PARD3B: variants seen among roughly 807,000 people sequenced by gnomAD.
PARD3B encodes the protein par-3 family cell polarity regulator beta.
A neutral mutation model predicts 130.2 loss-of-function variants in PARD3B; 103 were observed. The ratio of observed to expected loss-of-function variants is 0.79; its 90% CI spans 0.67 to 0.93. The LOEUF (loss-of-function observed/expected upper bound fraction) is 0.93, where lower values mean the gene tolerates loss of function less well. PARD3B is among the 40% of genes least tolerant of loss of function. PARD3B has a pLI of 0.00. For missense variants in PARD3B, 1,609 were observed against 1,499.2 expected, an observed-to-expected ratio of 1.07 and a Z score of -1.21; for synonymous variants, 583 against 553.2, an observed-to-expected ratio of 1.05 and a Z score of -0.76.
chr2:205,510,168 A>G (rs2050535516), intron 21 of PARD3B, among the ~76,000 whole-genome samples: 1 of 152,204 alleles, frequency 6.6e-6, no homozygotes, highest in African/African-American at 2.4e-5. Flanking sequence ...TTTAAAAGTG[A>G]GAGAATAGTA....
At chr2:205,197,032 GGT>G (rs1220147246) in intron 15 of PARD3B, among the ~76,000 whole-genome samples, 147 of 55,224 alleles carry the variant, frequency 2.7e-3, no homozygotes, top group South Asian at 8.9e-3. Flanking sequence ...GTGGGGGGGG[GGT>G]GTGTGTGTGT....
chr2:204,722,978 G>C (rs1397308301), intron 2 of PARD3B, among the ~76,000 whole-genome samples: 1 of 152,148 alleles, frequency 6.6e-6, no homozygotes, highest in Non-Finnish European at 1.5e-5. Flanking sequence ...GGCAATTGGG[G>C]AGTAATTTTT....
chr2:204,908,301 A>G (rs1322020024), intron 2 of PARD3B, among the ~76,000 whole-genome samples: 1 of 152,248 alleles, frequency 6.6e-6, no homozygotes, highest in Non-Finnish European at 1.5e-5. Context: ...ATACTTAAAT[A>G]TAATTATCAC....
At chr2:204,607,509 A>G (rs895171214) in intron 1 of PARD3B, among the ~76,000 whole-genome samples, 2 of 152,196 alleles carry the variant, frequency 1.3e-5, no homozygotes, top group African/African-American at 4.8e-5. Context: ...TGCCAACATT[A>G]CATGGTTTGA....
At chr2:204,803,759 A>G (rs72934216) in intron 2 of PARD3B, among the ~76,000 whole-genome samples, 3 of 152,296 alleles carry the variant, frequency 2.0e-5, no homozygotes, top group Non-Finnish European at 2.9e-5. Flanking sequence ...AGAAAACCAC[A>G]TTCACTAAAA....
intron 2 of PARD3B, among the ~76,000 whole-genome samples, chr2:204,899,872 A>T (rs2046793768): frequency 6.6e-6 from 1 of 151,758 alleles, no homozygotes; most frequent in South Asian, 2.1e-4. Flanking sequence ...TTTGCTGGAT[A>T]TACTATCCTT....
At chr2:205,206,915 T>C (rs2125838724) in intron 15 of PARD3B, among the ~76,000 whole-genome samples, 1 of 148,758 alleles carries the variant, frequency 6.7e-6, no homozygotes, top group South Asian at 2.1e-4. Context: ...AGAATATACA[T>C]TTTTTTCGGC....
At chr2:204,739,254 G>C (rs1356361878) in intron 2 of PARD3B, among the ~76,000 whole-genome samples, 1 of 152,090 alleles carries the variant, frequency 6.6e-6, no homozygotes, top group Non-Finnish European at 1.5e-5. Context: ...TGTTTTGGTT[G>C]ATTGTGCCCC....
intron 2 of PARD3B, among the ~76,000 whole-genome samples, chr2:204,765,189 C>G (rs10170752): frequency 0.35 from 53,760 of 151,966 alleles, 11,627 homozygotes; most frequent in African/African-American, 0.63. Context: ...GGTGACTGCA[C>G]TTGTTCTCAA....
intron 18 of PARD3B, among the ~76,000 whole-genome samples, chr2:205,368,424 G>T (rs1488649079): frequency 2.0e-5 from 3 of 152,124 alleles, no homozygotes; most frequent in African/African-American, 7.2e-5. Flanking sequence ...CTTGAGGCCA[G>T]GAGTTTAAGA....
At position 205,407,587 on chromosome 2, in the gene PARD3B, G is replaced by A. The variant is rs950046806; in HGVS notation, c.2741+6464G>A. On this transcript the variant is annotated intron_variant, in intron 19 of 22. Transcript: ENST00000406610. This position sits in a 1 kb window ranked among gnomAD's most constrained non-coding sequence, Gnocchi z 4.1. ...AAAGTATGAAATTAATCAGAATCTT[G>A]GACCTGTAAAATACCAAACTAAATA... 6.6e-6 allele frequency among the ~76,000 whole-genome samples: 1 copy of A among 151,996 alleles called. No individual in the cohort carries two copies. Among genetic ancestry groups the A allele is most frequent in the East Asian group, 1.9e-4 (1 of 5,182 alleles).
chr2:205,139,730 G>GT (rs1342341049), intron 10 of PARD3B, among the ~76,000 whole-genome samples: 2 of 150,824 alleles, frequency 1.3e-5, no homozygotes, highest in Non-Finnish European at 3.0e-5. Flanking sequence ...GAGTATGATT[G>GT]TAAAAAAAAA....
At chr2:205,597,221 CTTTG>C (rs571797768) in intron 22 of PARD3B, among the ~76,000 whole-genome samples, 144 of 152,196 alleles carry the variant, frequency 9.5e-4, no homozygotes, top group African/African-American at 2.7e-3. Flanking sequence ...TTGTTCTCAT[CTTTG>C]TTTGTGTGTA....
At position 204,931,327 on chromosome 2, in the gene PARD3B, T is replaced by C. The variant is rs1413475860; in HGVS notation, c.223-33825T>C. ...TCATAGCATGTACTATTAGTGTTTATTGAAATTATCCATGCAAAGCTCTTA... is the reference window on the plus strand; with the variant it reads ...TCATAGCATGTACTATTAGTGTTTACTGAAATTATCCATGCAAAGCTCTTA... On this transcript the variant is annotated intron_variant, in intron 2 of 22. Coordinates refer to ENST00000406610, the MANE Select transcript of PARD3B (RefSeq NM_001302769.2). 4.6e-5 allele frequency among the ~76,000 whole-genome samples: 7 copies of C among 152,258 alleles called. No homozygotes were observed. The South Asian group carries it at 1.2e-3, about 27-fold the overall frequency.
chr2:204,610,148 C>T lies in PARD3B; in HGVS notation c.120+64029C>T, dbSNP rs1259896443. 6.6e-6 allele frequency among the ~76,000 whole-genome samples: 1 copy of T among 152,086 alleles called. No homozygotes were observed. The highest frequency in any genetic ancestry group is 2.4e-5 in the African/African-American group (1 of 41,408). On this transcript the variant is annotated intron_variant, in intron 1 of 22. Transcript: ENST00000406610. This position sits in a 1 kb window ranked among gnomAD's most constrained non-coding sequence, Gnocchi z 4.1. ...GTTTAAGGAGGTTTGTCCCACCTCC[C>T]TTCCCATCGTGGCTGGAAATTCAGT...
chr2:204,785,877 G>T lies in PARD3B; in HGVS notation c.222+99595G>T, dbSNP rs565108722. Among the ~76,000 whole-genome samples the T allele has an allele frequency of 1.6e-3, 241 of 152,200 alleles. 2 individuals carry two copies. The highest frequency in any genetic ancestry group is 5.7e-3 in the African/African-American group (235 of 41,530). On this transcript the variant is annotated intron_variant, in intron 2 of 22. Transcript: ENST00000406610. The stretch of plus-strand genomic sequence containing the variant: ...GCCTATAATCTCAGCACTTTGGGAG[G>T]CCAAGGCAGGAGAATCATGAGGTCA...
At chr2:204,972,249 G>A (rs1032795000) in intron 3 of PARD3B, among the ~76,000 whole-genome samples, 1 of 151,546 alleles carries the variant, frequency 6.6e-6, no homozygotes, top group Non-Finnish European at 1.5e-5. Context: ...ATATATATAG[G>A]CCTCATAGTT....
At chr2:205,374,832 A>G (rs1464947693) in intron 18 of PARD3B, among the ~76,000 whole-genome samples, 1 of 152,200 alleles carries the variant, frequency 6.6e-6, no homozygotes, top group African/African-American at 2.4e-5. Flanking sequence ...AAATTAAGAG[A>G]GAAAAATTTT....
At chr2:204,570,327 T>C (rs1376411194) in intron 1 of PARD3B, among the ~76,000 whole-genome samples, 1 of 152,162 alleles carries the variant, frequency 6.6e-6, no homozygotes, top group East Asian at 1.9e-4. Flanking sequence ...AGCTTTAACT[T>C]CTCAGTGGGG....
Sources: allele counts gnomAD v4.1 joint callset (sites outside exome capture counted in the v4.1 genomes callset), GRCh38; gene constraint gnomAD v4.1.1; non-coding constraint Gnocchi (gnomAD v3.1); transcripts MANE v1.5; gene names NCBI Gene and HGNC (gene_info 2026-07-23, HGNC 2026-07-21).